The following PAK1 variants were observed in gnomAD, a reference collection of about 807,000 sequenced individuals.
PAK1 encodes the protein serine/threonine-protein kinase PAK 1.
PAK1 carries 29 observed loss-of-function variants against 67.4 expected under a neutral mutation model. The observed-to-expected ratio is 0.43, with a 90% CI of 0.32 to 0.59. The LOEUF is 0.59. Ranked by LOEUF, PAK1 falls within the 20% of genes least tolerant of loss-of-function variation. The pLI is 0.07. For missense variants in PAK1, 337 were observed against 670.7 expected (o/e 0.50, Z 5.50); for synonymous variants, 223 against 237.4 (o/e 0.94, Z 0.56).
intron 6 of PAK1, among the ~76,000 whole-genome samples, chr11:77,356,962 T>C (rs1946114958): frequency 6.6e-6 from 1 of 152,198 alleles, no homozygotes; most frequent in Admixed American, 6.5e-5. Context: ...AATTATCTTT[T>C]GCATAGTCCA....
intron 1 of PAK1, among the ~76,000 whole-genome samples, chr11:77,404,466 C>G (rs2137804640): frequency 6.6e-6 from 1 of 152,164 alleles, no homozygotes; most frequent in East Asian, 1.9e-4. Context: ...AGGGTTTCAC[C>G]ATGTTGGCCA....
intron 4 of PAK1, 123 bp downstream of exon 4, chr11:77,379,118 A>C: frequency 2.4e-6 from 2 of 827,002 alleles, no homozygotes; most frequent in Non-Finnish European, 3.7e-6. Context: ...ATTCCACGTT[A>C]AAGTGCCACT....
chr11:77,505,415 T>C, the PAK1 span, among the ~76,000 whole-genome samples: 1 of 152,244 alleles, frequency 6.6e-6, no homozygotes, highest in Non-Finnish European at 1.5e-5. Context: ...CTCAAACTTC[T>C]GGCCTCAAGT....
At chr11:77,391,153 A>G (rs1166254373) in intron 2 of PAK1, among the ~76,000 whole-genome samples, 1 of 152,160 alleles carries the variant, frequency 6.6e-6, no homozygotes, top group Non-Finnish European at 1.5e-5. Context: ...ATTTTCCGCA[A>G]TCTACCATTG....
chr11:77,498,289 TAAAATTA>T, the PAK1 span, among the ~76,000 whole-genome samples: 2 of 152,224 alleles, frequency 1.3e-5, no homozygotes, highest in Non-Finnish European at 2.9e-5. Context: ...TTGGTAAATC[TAAAATTA>T]TTCCAAAAGG....
At chr11:77,380,523 G>T (rs1949675326) in intron 2 of PAK1, among the ~76,000 whole-genome samples, 1 of 152,028 alleles carries the variant, frequency 6.6e-6, no homozygotes, top group Admixed American at 6.6e-5. Flanking sequence ...AATAAAGGGA[G>T]AGGCAAAAAG....
chr11:77,500,078 T>A, the PAK1 span, among the ~76,000 whole-genome samples: 3 of 152,142 alleles, frequency 2.0e-5, no homozygotes, highest in Non-Finnish European at 4.4e-5. Context: ...TTTGTTATAA[T>A]CAGTTCATAA....
the PAK1 span, among the ~76,000 whole-genome samples, chr11:77,526,279 A>C: frequency 6.6e-6 from 1 of 152,228 alleles, no homozygotes; most frequent in African/African-American, 2.4e-5. Flanking sequence ...ATGTATGGAA[A>C]ATTGATAATG....
chr11:77,410,748 G>A (rs1218950245), intron 1 of PAK1, among the ~76,000 whole-genome samples: 1 of 151,084 alleles, frequency 6.6e-6, no homozygotes, highest in Non-Finnish European at 1.5e-5. Context: ...AAAGTGAGGA[G>A]AGGAAGACGT....
At position 77,322,962 on chromosome 11, in the gene PAK1, G is replaced by A; in HGVS notation, c.*312C>T. 1 of 593,804 alleles carries A rather than the reference G, an allele frequency of 1.7e-6. No individual in the cohort carries two copies. 36.8% of individuals were successfully genotyped at this position (593,804 alleles called of 1,614,324 possible). ...TTAATTGTGGGAGATGGTTATGAAGGAGGTGAGGATTTTGACACACGGAAG... is the reference window on the plus strand; with the variant it reads ...TTAATTGTGGGAGATGGTTATGAAGAAGGTGAGGATTTTGACACACGGAAG... On this transcript the variant is annotated 3_prime_UTR_variant, in exon 15 of 15. Coordinates refer to ENST00000356341, the MANE Select transcript of PAK1 (RefSeq NM_002576.5).
At chr11:77,497,657 C>CTTG in the PAK1 span, among the ~76,000 whole-genome samples, 9 of 152,332 alleles carry the variant, frequency 5.9e-5, no homozygotes, top group African/African-American at 2.2e-4. Flanking sequence ...CCAAGAATTC[C>CTTG]ATCCAACTCA....
intron 1 of PAK1, 74 bp from the exon 2 acceptor site, chr11:77,392,615 C>G: frequency 8.1e-7 from 1 of 1,236,016 alleles, no homozygotes; most frequent in Non-Finnish European, 1.1e-6. Flanking sequence ...TAAAAAATTG[C>G]AAAGAATCAA....
At chr11:77,324,159 C>T (rs1435124795) in intron 14 of PAK1, among the ~76,000 whole-genome samples, 1 of 147,450 alleles carries the variant, frequency 6.8e-6, no homozygotes, top group Admixed American at 6.8e-5. Context: ...AAAACTGTTA[C>T]AGAAAGCAAT....
intron 1 of PAK1, among the ~76,000 whole-genome samples, chr11:77,460,617 A>AG (rs1415594417): frequency 1.3e-5 from 2 of 152,008 alleles, no homozygotes; most frequent in African/African-American, 4.8e-5. Flanking sequence ...AATGATGCTT[A>AG]GGGTAACTCA....
At chr11:77,502,781 G>A in the PAK1 span, among the ~76,000 whole-genome samples, 34 of 152,070 alleles carry the variant, frequency 2.2e-4, no homozygotes, top group African/African-American at 8.0e-4. Flanking sequence ...CTCGCAAGCT[G>A]GCATGGTGCA....
At chr11:77,489,428 C>CTCTCTG in the PAK1 span, among the ~76,000 whole-genome samples, 1 of 147,424 alleles carries the variant, frequency 6.8e-6, no homozygotes, top group Non-Finnish European at 1.5e-5. Flanking sequence ...CTCTCTCTCT[C>CTCTCTG]CCCTCTCCCC....
At chr11:77,529,114 C>T in the PAK1 span, among the ~76,000 whole-genome samples, 1 of 152,122 alleles carries the variant, frequency 6.6e-6, no homozygotes, top group Non-Finnish European at 1.5e-5. Flanking sequence ...TCCCGCAAGA[C>T]AGGTATTTTT....
intron 10 of PAK1, among the ~76,000 whole-genome samples, chr11:77,341,006 C>A (rs1157596118): frequency 6.6e-6 from 1 of 152,224 alleles, no homozygotes; most frequent in African/African-American, 2.4e-5. Context: ...AAGGGCAGAA[C>A]TAAGATCTCT....
the PAK1 span, among the ~76,000 whole-genome samples, chr11:77,514,207 G>A: frequency 1.3e-5 from 2 of 152,116 alleles, no homozygotes; most frequent in African/African-American, 4.8e-5. Flanking sequence ...GTATAAGACA[G>A]TCACAGTCGG....
Sources: gnomAD v4.1 joint callset for allele counts (sites outside exome capture counted in the v4.1 genomes callset) on GRCh38, gnomAD v4.1.1 for gene constraint, MANE v1.5 for transcripts, NCBI Gene and HGNC (gene_info 2026-07-23, HGNC 2026-07-21) for gene names.